The following YIPF7 variants were observed in gnomAD, a reference collection of about 807,000 sequenced individuals.
YIPF7 encodes protein YIPF7.
YIPF7 carries 35 observed loss-of-function variants against 27.2 expected under a neutral mutation model. The observed-to-expected ratio is 1.29, with a 90% CI of 0.98 to 1.70. The LOEUF is 1.70. YIPF7 is among the 40% of genes most tolerant of loss of function. YIPF7 has a pLI of 0.00. For missense variants in YIPF7, 358 were observed against 303.7 expected (o/e 1.18, Z -1.33); for synonymous variants, 137 against 110.4 (o/e 1.24, Z -1.51).
intron 3 of YIPF7, among the ~76,000 whole-genome samples, chr4:44,630,614 A>C (rs1246198869): frequency 6.6e-6 from 1 of 152,182 alleles, no homozygotes; most frequent in Non-Finnish European, 1.5e-5. Flanking sequence ...ATCCAAAATC[A>C]ATGAGGTTCA....
intron 2 of YIPF7, among the ~76,000 whole-genome samples, chr4:44,648,314 G>A (rs1298108144): frequency 3.3e-5 from 5 of 151,984 alleles, no homozygotes; most frequent in African/African-American, 7.2e-5. Context: ...CTAGAAATCC[G>A]AAATGCTCCA....
chr4:44,636,938 G>T (rs758493007), intron 2 of YIPF7, among the ~76,000 whole-genome samples: 22 of 152,064 alleles, frequency 1.4e-4, no homozygotes, highest in Non-Finnish European at 2.8e-4. Context: ...AATTGCCAAT[G>T]ATTCTACTCT....
At chr4:44,653,085 G>C (rs114675723), upstream of YIPF7, among the ~76,000 whole-genome samples, 1 of 152,004 alleles carries the variant, frequency 6.6e-6, no homozygotes, top group Admixed American at 6.6e-5. Flanking sequence ...TGAAGAAGTC[G>C]CTTTACAGAC....
rs1217544736 is a variant in YIPF7, at chr4:44,632,293, G to A, written c.281-2745C>T. On this transcript the variant is annotated intron_variant, in intron 3 of 5. Transcript: ENST00000415895. Reference sequence around the variant, plus strand: ...TTAATGCAAAATTTATTGTTTTGCTGTCATCTAGTGGTAGTAAAGTATATG... The same window carrying A: ...TTAATGCAAAATTTATTGTTTTGCTATCATCTAGTGGTAGTAAAGTATATG... Among the ~76,000 whole-genome samples, 9 of 152,116 alleles carry A rather than the reference G, an allele frequency of 5.9e-5. No homozygotes were observed. In the East Asian group the frequency reaches 1.5e-3, roughly 26 times the overall value.
At chr4:44,628,145 GAC>G (rs1712739947) in intron 4 of YIPF7, among the ~76,000 whole-genome samples, 1 of 152,128 alleles carries the variant, frequency 6.6e-6, no homozygotes, top group Non-Finnish European at 1.5e-5. Context: ...CTGTGACAAA[GAC>G]AGAAGAAGGG....
At chr4:44,633,796 A>T (rs1039143989) in intron 3 of YIPF7, among the ~76,000 whole-genome samples, 6 of 152,186 alleles carry the variant, frequency 3.9e-5, no homozygotes, top group Non-Finnish European at 8.8e-5. Flanking sequence ...AAAATAAACG[A>T]GGAAAGAAAA....
chr4:44,660,951 T>C lies in YIPF7; in HGVS notation c.-171-333A>G, dbSNP rs78947020. Among the ~76,000 whole-genome samples, 548 of 152,294 alleles carry C rather than the reference T, an allele frequency of 3.6e-3. 20 individuals carry two copies. The East Asian group carries it at 0.088, about 25-fold the overall frequency. ...ATGTGAAAAATAGACAAGGGAACTT[T>C]CCAGACAAAATACAGAAAATGCCAA... On this transcript the variant is annotated intron_variant, in intron 1 of 2. Transcript: ENST00000508947.
chr4:44,635,219 C>T (rs1032397479), intron 3 of YIPF7, among the ~76,000 whole-genome samples: 3 of 152,016 alleles, frequency 2.0e-5, no homozygotes, highest in Non-Finnish European at 4.4e-5. Context: ...CGTCTTAACG[C>T]CTATGTTTCC....
Position 44,622,248 on chromosome 4 carries a change from C to T in YIPF7, c.*166G>A. On this transcript the variant is annotated 3_prime_UTR_variant, in exon 6 of 6. Coordinates refer to ENST00000415895, the MANE Select transcript of YIPF7 (RefSeq NM_182592.3). Reference sequence around the variant, plus strand: ...ACTCAAAAGCAAAACATCATTCAAACCAACAGGCTATTAGAGCACCACCCT... The same window carrying T: ...ACTCAAAAGCAAAACATCATTCAAATCAACAGGCTATTAGAGCACCACCCT... The T allele has an allele frequency of 1.2e-6, 1 of 815,030 alleles. No individual in the cohort carries two copies. The allele number at this position is 815,030 out of a possible 1,614,324, so 50.5% of individuals were successfully genotyped here. A position where few individuals can be genotyped will look rare whatever the true frequency, so the allele number is the denominator to read the frequency against.
intron 2 of YIPF7, among the ~76,000 whole-genome samples, chr4:44,643,826 G>A (rs886946960): frequency 2.0e-5 from 3 of 152,166 alleles, no homozygotes; most frequent in Admixed American, 1.3e-4. Flanking sequence ...CAGGGGCACA[G>A]AGTGCAAGAG....
chr4:44,660,125 A>AAAAAAAAAAAAAC (rs1560332843), intron 2 of YIPF7, among the ~76,000 whole-genome samples: 2 of 146,200 alleles, frequency 1.4e-5, no homozygotes, highest in Admixed American at 6.8e-5. Flanking sequence ...AAAAAAAAAA[A>AAAAAAAAAAAAAC]AAAAAAAAAA....
chr4:44,624,681 G>A lies in YIPF7; in HGVS notation c.528C>T (p.Tyr176=), dbSNP rs762961360. Residue 176 remains tyrosine, a synonymous_variant, in exon 5 of 6, where the codon TAC becomes TAT. Transcript: ENST00000415895. The part of the protein sequence containing the change: ...LNLMSSSGVS[Y]GCVASVLGYC... ...AACCCAGCACGCTGGCCACACAGCCGTACGACACCCCTGAAGAGCTCATCA... is the reference window on the plus strand; with the variant it reads ...AACCCAGCACGCTGGCCACACAGCCATACGACACCCCTGAAGAGCTCATCA... The A allele has an allele frequency of 2.9e-5, 47 of 1,608,018 alleles. No individual in the cohort carries two copies. Among genetic ancestry groups the A allele is most frequent in the Admixed American group, 2.5e-4 (15 of 59,296 alleles).
At chr4:44,641,870 T>C (rs1156300695) in intron 2 of YIPF7, among the ~76,000 whole-genome samples, 1 of 152,326 alleles carries the variant, frequency 6.6e-6, no homozygotes, top group South Asian at 2.1e-4. Context: ...TAGCCATATG[T>C]AATATTCCTA....
chr4:44,638,378 A>T (rs1713211899), intron 2 of YIPF7, among the ~76,000 whole-genome samples: 1 of 152,146 alleles, frequency 6.6e-6, no homozygotes, highest in Non-Finnish European at 1.5e-5. Flanking sequence ...AGGGCAAAAC[A>T]GTCCATCAAA....
upstream of YIPF7, among the ~76,000 whole-genome samples, chr4:44,655,674 G>A (rs1472876054): frequency 1.3e-5 from 2 of 151,986 alleles, no homozygotes; most frequent in Non-Finnish European, 2.9e-5. Flanking sequence ...ATGCACATCT[G>A]CATTAATTCA....
intron 3 of YIPF7, among the ~76,000 whole-genome samples, chr4:44,632,911 A>T (rs1712965316): frequency 6.6e-6 from 1 of 152,158 alleles, no homozygotes; most frequent in Non-Finnish European, 1.5e-5. Context: ...GTGGACCCAT[A>T]TCTACCTGCC....
Position 44,629,429 on chromosome 4 carries a change from C to G in YIPF7, c.400G>C (p.Val134Leu), listed in dbSNP as rs756958898. 2 of 1,597,180 alleles carry G rather than the reference C, an allele frequency of 1.3e-6. No homozygotes were observed. Among genetic ancestry groups the G allele is most frequent in the Non-Finnish European group, 1.7e-6 (2 of 1,171,544 alleles). The change falls in exon 4 of 6, where the codon GTA becomes CTA. Residue 134 changes from valine (V) to leucine (L), a missense_variant. Coordinates refer to ENST00000415895, the MANE Select transcript of YIPF7 (RefSeq NM_182592.3). ...TDLTGPILFCVALGATLLLAG... is the reference protein window; with the variant it reads ...TDLTGPILFCLALGATLLLAG... Reference sequence around the variant, plus strand: ...AGAAGCAAGGTGGCTCCCAGGGCTACGCAAAAAAGAATGGGTCCAGTGAGG... The same window carrying G: ...AGAAGCAAGGTGGCTCCCAGGGCTAGGCAAAAAAGAATGGGTCCAGTGAGG...
At chr4:44,659,689 T>C (rs772590404) in intron 2 of YIPF7, among the ~76,000 whole-genome samples, 1 of 152,194 alleles carries the variant, frequency 6.6e-6, no homozygotes, top group Non-Finnish European at 1.5e-5. Context: ...TATTTTAGTA[T>C]ATATTGTTTT....
chr4:44,638,499 C>T (rs868608355), intron 2 of YIPF7, among the ~76,000 whole-genome samples: 1 of 151,984 alleles, frequency 6.6e-6, no homozygotes, highest in Non-Finnish European at 1.5e-5. Flanking sequence ...CAAATCAAAA[C>T]CATGATGCAA....
Sources: allele counts gnomAD v4.1 joint callset (sites outside exome capture counted in the v4.1 genomes callset), GRCh38; gene constraint gnomAD v4.1.1; transcripts MANE v1.5; gene names NCBI Gene and HGNC (gene_info 2026-07-23, HGNC 2026-07-21).